Variants in TANC2 observed in about 807,000 individuals in gnomAD.
TANC2 encodes the protein tetratricopeptide repeat, ankyrin repeat and coiled-coil containing 2.
TANC2 carries 26 observed loss-of-function variants against 210.5 expected under a neutral mutation model. The observed-to-expected ratio is 0.12, with a 90% CI of 0.09 to 0.17. The LOEUF is 0.17. Among genes scored for constraint, TANC2 ranks in the 10% least tolerant of loss-of-function variants. The probability of loss-of-function intolerance (pLI) is 1.00; values close to 1 mark genes in which losing one functional copy is unlikely to be tolerated. For missense variants in TANC2, 2,129 were observed against 2,608.9 expected (o/e 0.82, Z 4.01); for synonymous variants, 931 against 967.1 (o/e 0.96, Z 0.69).
chr17:63,011,324 A>G (rs1275966479), intron 2 of TANC2, among the ~76,000 whole-genome samples: 1 of 151,702 alleles, frequency 6.6e-6, no homozygotes, highest in Non-Finnish European at 1.5e-5. Flanking sequence ...GTATTATTTT[A>G]TTCTTTTGAT....
At chr17:63,116,042 A>G (rs1160282162) in intron 4 of TANC2, among the ~76,000 whole-genome samples, 1 of 152,210 alleles carries the variant, frequency 6.6e-6, no homozygotes, top group African/African-American at 2.4e-5. Context: ...TGGTATTATA[A>G]TGGCAGTGTT....
intron 2 of TANC2, among the ~76,000 whole-genome samples, chr17:63,059,566 A>G (rs984574365): frequency 1.3e-5 from 2 of 151,594 alleles, no homozygotes; most frequent in Middle Eastern, 3.2e-3. Flanking sequence ...CCTCTTATGT[A>G]TCCTTTGGCT....
intron 7 of TANC2, among the ~76,000 whole-genome samples, chr17:63,225,818 C>T (rs1396787774): frequency 3.3e-5 from 5 of 152,078 alleles, no homozygotes; most frequent in Non-Finnish European, 7.4e-5. Flanking sequence ...ATCAGGTAAT[C>T]CTCTGACACA....
chr17:63,398,706 G>A (rs1248984309), intron 18 of TANC2, 115 bp from the exon 19 acceptor site: 9 of 625,124 alleles, frequency 1.4e-5, no homozygotes, highest in African/African-American at 3.7e-5. Flanking sequence ...TTCCTTTTGT[G>A]TGCAAGAGAT....
chr17:63,025,148 C>T (rs1469630259), intron 2 of TANC2, among the ~76,000 whole-genome samples: 1 of 152,114 alleles, frequency 6.6e-6, no homozygotes, highest in Non-Finnish European at 1.5e-5. Context: ...ATTAGTATTT[C>T]TCCATGGCTT....
chr17:63,394,549 C>A (rs1403636197), intron 17 of TANC2, among the ~76,000 whole-genome samples: 1 of 152,184 alleles, frequency 6.6e-6, no homozygotes, highest in Non-Finnish European at 1.5e-5. Flanking sequence ...CAATTCAGAC[C>A]ACTTAGCCTG....
intron 4 of TANC2, among the ~76,000 whole-genome samples, chr17:63,118,426 TG>T (rs1452383759): frequency 6.6e-6 from 1 of 152,232 alleles, no homozygotes; most frequent in Non-Finnish European, 1.5e-5. Flanking sequence ...AAAGACTCTT[TG>T]TTTTCTGGCT....
At chr17:63,093,054 T>A (rs186003120) in intron 3 of TANC2, among the ~76,000 whole-genome samples, 1 of 152,294 alleles carries the variant, frequency 6.6e-6, no homozygotes, top group East Asian at 1.9e-4. Flanking sequence ...TTTGTAACAC[T>A]ATCATTTGAA....
intron 2 of TANC2, among the ~76,000 whole-genome samples, chr17:63,047,143 G>A (rs2035415240): frequency 6.6e-6 from 1 of 152,248 alleles, no homozygotes. Flanking sequence ...CCACTCCTTA[G>A]GTATACAGTA....
chr17:63,128,028 G>A (rs542555209), intron 4 of TANC2, among the ~76,000 whole-genome samples: 1 of 152,212 alleles, frequency 6.6e-6, no homozygotes, highest in Admixed American at 6.5e-5. Flanking sequence ...TTAAGTTAAT[G>A]CCCATTGTAC....
chr17:63,053,280 GA>G (rs1191046724), intron 2 of TANC2, among the ~76,000 whole-genome samples: 4 of 152,108 alleles, frequency 2.6e-5, no homozygotes, highest in Non-Finnish European at 4.4e-5. Context: ...AATCTCTATT[GA>G]ACTTAATCCC....
At chr17:63,074,988 GTTTTTAGAGCTGTACTA>G (rs1357236624) in intron 3 of TANC2, among the ~76,000 whole-genome samples, 1 of 151,982 alleles carries the variant, frequency 6.6e-6, no homozygotes, top group African/African-American at 2.4e-5. Context: ...GCTCTTCCCA[GTTTTTAGAGCTGTACTA>G]TTTTTATAAA....
intron 2 of TANC2, among the ~76,000 whole-genome samples, chr17:63,012,017 C>CTTTT (rs559717868): frequency 7.4e-6 from 1 of 134,558 alleles, no homozygotes; most frequent in African/African-American, 2.7e-5. Context: ...TTGATCAAAA[C>CTTTT]TTTTTTTTTT....
At chr17:63,220,689 G>T (rs1436900235) in intron 7 of TANC2, among the ~76,000 whole-genome samples, 1 of 115,994 alleles carries the variant, frequency 8.6e-6, no homozygotes, top group African/African-American at 3.6e-5. Context: ...GGGCAACAGA[G>T]CAAGAATCAG....
intron 1 of TANC2, among the ~76,000 whole-genome samples, chr17:62,982,152 A>G (rs1355701986): frequency 6.6e-6 from 1 of 152,198 alleles, no homozygotes; most frequent in Non-Finnish European, 1.5e-5. Context: ...GTTCTCTAGC[A>G]TAGCCAGCAC....
intron 12 of TANC2, among the ~76,000 whole-genome samples, chr17:63,342,775 C>CA (rs965473333): frequency 1.7e-4 from 26 of 149,880 alleles, no homozygotes; most frequent in South Asian, 2.1e-4. Flanking sequence ...GACTCCGTCT[C>CA]AAAAAAAAAA....
rs186648398 is a variant in TANC2, at chr17:63,221,166, G to A, written c.770-16648G>A. Among the ~76,000 whole-genome samples the A allele has an allele frequency of 2.0e-3, 308 of 152,096 alleles. 7 individuals carry two copies. The highest frequency in any genetic ancestry group is 0.02 in the Admixed American group (301 of 15,264). ...TAAGAAAATGAAAAAGGCCTGGCAC[G>A]GTGGCTCAAGCCTGTAATCTTGGCA... On this transcript the variant is annotated intron_variant, in intron 7 of 27. Transcript: ENST00000689528.
chr17:63,119,599 T>C (rs960463030), intron 4 of TANC2, among the ~76,000 whole-genome samples: 1 of 152,242 alleles, frequency 6.6e-6, no homozygotes, highest in African/African-American at 2.4e-5. Context: ...TTAAATTTTA[T>C]GTATATTTAA....
At chr17:63,149,140 G>A (rs1355793357) in intron 4 of TANC2, 1 of 152,048 alleles carries the variant, frequency 6.6e-6, no homozygotes, top group African/African-American at 2.4e-5. Context: ...GGTATACATC[G>A]AGCTTCATAG....
Sources: gnomAD v4.1 joint callset for allele counts (sites outside exome capture counted in the v4.1 genomes callset) on GRCh38, gnomAD v4.1.1 for gene constraint, MANE v1.5 for transcripts, NCBI Gene and HGNC (gene_info 2026-07-23, HGNC 2026-07-21) for gene names.